Variants in NUMB observed in about 807,000 individuals in gnomAD.
NUMB encodes the protein NUMB endocytic adaptor protein.
In NUMB, 29 loss-of-function variants were observed where a neutral mutation model predicts 59.7. The ratio of observed to expected loss-of-function variants is 0.49; its 90% CI spans 0.36 to 0.66. NUMB has a LOEUF of 0.66. Ranked by LOEUF, NUMB falls within the 30% of genes least tolerant of loss-of-function variation. NUMB has a pLI of 0.00. For synonymous variants in NUMB, 288 were observed against 288.2 expected (o/e 1.00, Z 0.01); for missense variants, 723 against 822.0 (o/e 0.88, Z 1.47).
chr14:73,404,879 G>A (rs1896587165), intron 2 of NUMB, among the ~76,000 whole-genome samples: 2 of 151,828 alleles, frequency 1.3e-5, no homozygotes, highest in South Asian at 2.1e-4. Flanking sequence ...TTATGCCTCA[G>A]CCTCCAGAGT....
chr14:73,342,266 T>C (rs1382691478), intron 4 of NUMB, among the ~76,000 whole-genome samples: 1 of 152,212 alleles, frequency 6.6e-6, no homozygotes, highest in Admixed American at 6.5e-5. Context: ...TGCCAGCAAA[T>C]TTAGCTATGA....
chr14:73,454,784 G>C (rs1884230819), intron 1 of NUMB, among the ~76,000 whole-genome samples: 1 of 152,072 alleles, frequency 6.6e-6, no homozygotes, highest in South Asian at 2.1e-4. Context: ...TGAATAATAA[G>C]TCCACTTATT....
At chr14:73,419,570 CATATT>C (rs1352390908) in intron 1 of NUMB, among the ~76,000 whole-genome samples, 1 of 152,038 alleles carries the variant, frequency 6.6e-6, no homozygotes, top group Non-Finnish European at 1.5e-5. Flanking sequence ...ACTGAATACT[CATATT>C]AGAAAGTCCC....
At chr14:73,353,616 G>T (rs1893594307) in intron 4 of NUMB, among the ~76,000 whole-genome samples, 1 of 150,630 alleles carries the variant, frequency 6.6e-6, no homozygotes, top group Non-Finnish European at 1.5e-5. Flanking sequence ...GGAGGCTGAG[G>T]CAGGAGAATC....
chr14:73,320,786 T>C (rs1481076489), intron 5 of NUMB, among the ~76,000 whole-genome samples: 2 of 151,954 alleles, frequency 1.3e-5, no homozygotes, highest in Non-Finnish European at 2.9e-5. Context: ...TAGTTCCTAA[T>C]TCTGATGAAT....
At chr14:73,394,829 A>G (rs1326718654) in intron 2 of NUMB, among the ~76,000 whole-genome samples, 1 of 152,166 alleles carries the variant, frequency 6.6e-6, no homozygotes, top group African/African-American at 2.4e-5. Flanking sequence ...TTCATTTGAA[A>G]CAAAAAATAA....
At chr14:73,388,820 G>A (rs1037536521) in intron 2 of NUMB, among the ~76,000 whole-genome samples, 1 of 151,988 alleles carries the variant, frequency 6.6e-6, no homozygotes, top group African/African-American at 2.4e-5. Context: ...ACAATGGGCC[G>A]GGCGCAGTGG....
chr14:73,312,990 CTT>C (rs563622527), intron 6 of NUMB, among the ~76,000 whole-genome samples: 11 of 141,884 alleles, frequency 7.8e-5, no homozygotes, highest in Admixed American at 7.1e-5. Context: ...AGTGGTATGT[CTT>C]TTTTTTTTTT....
At chr14:73,397,579 T>C (rs895222623) in intron 2 of NUMB, among the ~76,000 whole-genome samples, 3 of 152,188 alleles carry the variant, frequency 2.0e-5, no homozygotes, top group African/African-American at 7.2e-5. Flanking sequence ...TAACAAGATA[T>C]AAGGCAAAAT....
chr14:73,329,209 T>C (rs964366937), intron 4 of NUMB, among the ~76,000 whole-genome samples: 1 of 152,188 alleles, frequency 6.6e-6, no homozygotes, highest in African/African-American at 2.4e-5. Flanking sequence ...AAGCAGAAGT[T>C]TTCATCTCGA....
intron 4 of NUMB, among the ~76,000 whole-genome samples, chr14:73,327,902 G>A (rs1054637147): frequency 1.3e-5 from 2 of 152,006 alleles, no homozygotes; most frequent in African/African-American, 4.8e-5. Context: ...TCCTCCGCCT[G>A]CCCTCCCCCA....
chr14:73,439,457 A>T (rs1326018504), intron 1 of NUMB, among the ~76,000 whole-genome samples: 2 of 152,222 alleles, frequency 1.3e-5, no homozygotes, highest in South Asian at 4.1e-4. Context: ...AAATTGTAAA[A>T]TAATTATATT....
chr14:73,321,109 A>G (rs1594902286), intron 5 of NUMB, among the ~76,000 whole-genome samples: 1 of 152,284 alleles, frequency 6.6e-6, no homozygotes, highest in African/African-American at 2.4e-5. Context: ...TGCTCATTAA[A>G]CAACAAAATA....
At chr14:73,326,093 A>G (rs977641983) in intron 4 of NUMB, among the ~76,000 whole-genome samples, 2 of 152,164 alleles carry the variant, frequency 1.3e-5, no homozygotes, top group African/African-American at 4.8e-5. Flanking sequence ...ACCAGAAAGT[A>G]CCAAAGAAGG....
intron 1 of NUMB, 138 bp downstream of exon 1, chr14:73,458,355 G>C (rs1336317103): frequency 3.4e-5 from 5 of 148,730 alleles, no homozygotes; most frequent in Admixed American, 2.0e-4. Context: ...CGCCGCCTCC[G>C]CCCTGGCCCC....
intron 1 of NUMB, among the ~76,000 whole-genome samples, chr14:73,427,073 G>A (rs977426267): frequency 6.6e-6 from 1 of 152,114 alleles, no homozygotes; most frequent in Non-Finnish European, 1.5e-5. Context: ...GCTAGGGTGG[G>A]GGTAGAGTTC....
intron 2 of NUMB, among the ~76,000 whole-genome samples, chr14:73,389,569 G>A (rs1314266331): frequency 1.3e-5 from 2 of 151,970 alleles, no homozygotes; most frequent in Non-Finnish European, 2.9e-5. Flanking sequence ...TGATCTGCCC[G>A]CCTCGGCCTC....
intron 8 of NUMB, among the ~76,000 whole-genome samples, chr14:73,289,558 C>G (rs915095798): frequency 5.3e-5 from 8 of 152,142 alleles, no homozygotes; most frequent in African/African-American, 1.9e-4. Context: ...CTGAACAAGT[C>G]GTCTCACTGG....
At chr14:73,304,789 T>TTCAC in intron 6 of NUMB, among the ~76,000 whole-genome samples, 1 of 152,282 alleles carries the variant, frequency 6.6e-6, no homozygotes, top group East Asian at 1.9e-4. Flanking sequence ...AGGCAGAGTC[T>TTCAC]TGCTCTGTCG....
Sources: allele counts gnomAD v4.1 joint callset (sites outside exome capture counted in the v4.1 genomes callset), GRCh38; gene constraint gnomAD v4.1.1; transcripts MANE v1.5; gene names NCBI Gene and HGNC (gene_info 2026-07-23, HGNC 2026-07-21).